UBL3: variants seen among roughly 807,000 people sequenced by gnomAD.
UBL3 encodes ubiquitin-like protein 3.
In UBL3, 6 loss-of-function variants were observed where a neutral mutation model predicts 18.4. The ratio of observed to expected loss-of-function variants is 0.33; its 90% CI spans 0.18 to 0.64. The LOEUF (loss-of-function observed/expected upper bound fraction) is 0.64. Among genes scored for constraint, UBL3 ranks in the 30% least tolerant of loss-of-function variants. The pLI is 0.76. For synonymous variants in UBL3, 49 were observed against 46.6 expected (o/e 1.05, Z -0.21); for missense variants, 109 against 142.9 (o/e 0.76, Z 1.21).
In UBL3 at chr13:29,849,625, A is replaced by G; in HGVS notation, c.-87T>C. ...AGTCTTCACGTTACAGAAATAAACC[A>G]CGATTTTGACTGGTTCGTGATGTGC... On this transcript the variant is annotated 5_prime_UTR_variant, in exon 1 of 5. Coordinates refer to ENST00000380680, the MANE Select transcript of UBL3 (RefSeq NM_007106.4). 1 of 1,533,114 alleles carries G rather than the reference A, an allele frequency of 6.5e-7. No individual in the cohort carries two copies. Among genetic ancestry groups the G allele is most frequent in the Admixed American group, 1.7e-5 (1 of 59,296 alleles). The allele number at this position is 1,533,114 out of a possible 1,614,324, so 95.0% of individuals were successfully genotyped here.
At chr13:29,806,729 C>T (rs936575485) in intron 1 of UBL3, among the ~76,000 whole-genome samples, 6 of 152,220 alleles carry the variant, frequency 3.9e-5, no homozygotes, top group Non-Finnish European at 8.8e-5. Context: ...CACTCCAAAA[C>T]TGGCTTCACG....
At chr13:29,833,351 CT>C (rs1169333886) in intron 1 of UBL3, among the ~76,000 whole-genome samples, 3 of 152,128 alleles carry the variant, frequency 2.0e-5, no homozygotes, top group Non-Finnish European at 4.4e-5. Context: ...AAATGATTGG[CT>C]TTATTGATGG....
At chr13:29,770,823 T>TA (rs11441723) in intron 3 of UBL3, among the ~76,000 whole-genome samples, 92,480 of 150,112 alleles carry the variant, frequency 0.62, 28,548 homozygotes, top group Non-Finnish European at 0.66. Context: ...ACAAAAGCTA[T>TA]AAAAAAAAAG....
intron 1 of UBL3, among the ~76,000 whole-genome samples, chr13:29,845,388 C>G (rs561934705): frequency 3.2e-4 from 49 of 152,026 alleles, no homozygotes; most frequent in African/African-American, 1.1e-3. Context: ...ATAAAACCCT[C>G]CAACTTAAAC....
intron 1 of UBL3, 29 bp from the exon 2 acceptor site, chr13:29,777,292 TA>T: frequency 6.4e-7 from 1 of 1,556,722 alleles, no homozygotes; most frequent in Non-Finnish European, 8.7e-7. Context: ...TCTTTTAACA[TA>T]AATCTAAAAA....
At chr13:29,828,789 T>C (rs1464424876) in intron 1 of UBL3, among the ~76,000 whole-genome samples, 3 of 152,204 alleles carry the variant, frequency 2.0e-5, no homozygotes, top group Non-Finnish European at 4.4e-5. Flanking sequence ...CTCTGTTTTT[T>C]CCCCATTTTT....
At chr13:29,771,600 G>A (rs997051192) in intron 3 of UBL3, among the ~76,000 whole-genome samples, 2 of 152,036 alleles carry the variant, frequency 1.3e-5, no homozygotes, top group African/African-American at 4.8e-5. Flanking sequence ...CCAGTAAGTA[G>A]TGCAGCTAAC....
At chr13:29,841,593 C>T (rs1368617170) in intron 1 of UBL3, among the ~76,000 whole-genome samples, 1 of 152,126 alleles carries the variant, frequency 6.6e-6, no homozygotes, top group Non-Finnish European at 1.5e-5. Context: ...ACCATGCTAG[C>T]TCAGACCAAT....
chr13:29,824,948 A>G (rs1221686885), intron 1 of UBL3, among the ~76,000 whole-genome samples: 1 of 152,222 alleles, frequency 6.6e-6, no homozygotes, highest in Non-Finnish European at 1.5e-5. Context: ...TCCCAGCACC[A>G]TTTGTTAAAT....
intron 1 of UBL3, among the ~76,000 whole-genome samples, chr13:29,779,758 T>C (rs1476887771): frequency 1.3e-5 from 2 of 152,146 alleles, no homozygotes; most frequent in African/African-American, 2.4e-5. Context: ...AACAGTATTG[T>C]GGGAACAACA....
chr13:29,825,024 T>C (rs1380274651), intron 1 of UBL3, among the ~76,000 whole-genome samples: 3 of 152,304 alleles, frequency 2.0e-5, no homozygotes, highest in African/African-American at 7.2e-5. Flanking sequence ...TGTAGATGTG[T>C]GGTATTATTT....
intron 1 of UBL3, among the ~76,000 whole-genome samples, chr13:29,826,424 G>A (rs925848423): frequency 6.6e-5 from 10 of 152,122 alleles, no homozygotes; most frequent in Non-Finnish European, 1.0e-4. Context: ...GTTTAGTCTC[G>A]GGAGGGTGTA....
intron 2 of UBL3, 94 bp from the exon 3 acceptor site, chr13:29,772,292 A>T: frequency 1.0e-6 from 1 of 985,846 alleles, no homozygotes; most frequent in Non-Finnish European, 1.5e-6. Flanking sequence ...AATCAGTTAG[A>T]GTACAAAGAA....
intron 1 of UBL3, among the ~76,000 whole-genome samples, chr13:29,787,519 T>C (rs1877354240): frequency 6.6e-6 from 1 of 152,192 alleles, no homozygotes; most frequent in Admixed American, 6.5e-5. Flanking sequence ...AAGTTCAAAA[T>C]CCTGTAAGCT....
chr13:29,772,273 T>C, intron 2 of UBL3, 75 bp from the exon 3 acceptor site: 1 of 1,271,040 alleles, frequency 7.9e-7, no homozygotes, highest in Non-Finnish European at 1.1e-6. Flanking sequence ...TTTTAAAAAT[T>C]CAGATCCAAA....
chr13:29,767,853 T>C (rs1477780764), intron 3 of UBL3, among the ~76,000 whole-genome samples, 158 bp from the exon 4 acceptor site: 7 of 152,244 alleles, frequency 4.6e-5, no homozygotes, highest in South Asian at 4.1e-4. Context: ...GTTAATATTA[T>C]CAGAAATAAC....
chr13:29,771,049 A>G (rs1876828024), intron 3 of UBL3, among the ~76,000 whole-genome samples: 1 of 152,022 alleles, frequency 6.6e-6, no homozygotes, highest in African/African-American at 2.4e-5. Context: ...TGTTTGTCCT[A>G]TGTAATACTA....
intron 1 of UBL3, among the ~76,000 whole-genome samples, chr13:29,844,983 T>C (rs933419569): frequency 6.6e-5 from 10 of 152,060 alleles, no homozygotes; most frequent in Admixed American, 2.6e-4. Context: ...AGTTTGTGAG[T>C]CAAGAAAGTC....
At chr13:29,816,838 C>T (rs1313691446) in intron 1 of UBL3, among the ~76,000 whole-genome samples, 1 of 142,224 alleles carries the variant, frequency 7.0e-6, no homozygotes, top group African/African-American at 2.6e-5. Context: ...AATTTGGTTA[C>T]AAGAATCTGT....
Sources: gnomAD v4.1 joint callset for allele counts (sites outside exome capture counted in the v4.1 genomes callset) on GRCh38, gnomAD v4.1.1 for gene constraint, MANE v1.5 for transcripts, NCBI Gene and HGNC (gene_info 2026-07-23, HGNC 2026-07-21) for gene names.